CA10: variants seen among roughly 807,000 people sequenced by gnomAD.
CA10 encodes the protein carbonic anhydrase-related protein 10.
In CA10, 14 loss-of-function variants were observed where a neutral mutation model predicts 44.2. The ratio of observed to expected loss-of-function variants is 0.32; its 90% CI spans 0.21 to 0.50. The LOEUF is 0.50. Among genes scored for constraint, CA10 ranks in the 20% least tolerant of loss-of-function variants. The pLI, the probability that CA10 is intolerant of heterozygous loss-of-function variation, is 0.99. For synonymous variants in CA10, 159 were observed against 141.6 expected (o/e 1.12, Z -0.87); for missense variants, 350 against 409.7 (o/e 0.85, Z 1.26).
intron 4 of CA10, among the ~76,000 whole-genome samples, chr17:51,699,828 G>A (rs1915530235): frequency 6.6e-6 from 1 of 152,186 alleles, no homozygotes; most frequent in Non-Finnish European, 1.5e-5. Flanking sequence ...ATGAGACATT[G>A]TTTTGGTGGT....
intron 2 of CA10, among the ~76,000 whole-genome samples, chr17:52,002,079 C>A (rs887438082): frequency 6.6e-6 from 1 of 151,760 alleles, no homozygotes; most frequent in African/African-American, 2.4e-5. Context: ...GAGTAAAGAG[C>A]CCACACATAT....
In CA10 at chr17:52,017,798, T is replaced by C. The variant is rs182446916; in HGVS notation, c.136+54521A>G. Among the ~76,000 whole-genome samples, 512 of 152,152 alleles carry C rather than the reference T, an allele frequency of 3.4e-3. 2 individuals are homozygous for C. Among genetic ancestry groups the C allele is most frequent in the Non-Finnish European group, 5.8e-3 (396 of 67,976 alleles). On this transcript the variant is annotated intron_variant, in intron 2 of 8. Transcript: ENST00000451037. ...TGACTAAATGGTAGTCATGCACTCG[T>C]AGCCAAGACAACGGGATAAAGACCT...
chr17:52,094,402 G>T (rs542915871), intron 1 of CA10, among the ~76,000 whole-genome samples: 1 of 151,964 alleles, frequency 6.6e-6, no homozygotes, highest in Non-Finnish European at 1.5e-5. Flanking sequence ...TGTATCGTCA[G>T]GAAACTGGAG....
chr17:51,668,920 C>T (rs1914307720), intron 4 of CA10, among the ~76,000 whole-genome samples: 1 of 152,252 alleles, frequency 6.6e-6, no homozygotes, highest in Non-Finnish European at 1.5e-5. Flanking sequence ...CCTGGGCCAG[C>T]AGCTGTGGAG....
intron 3 of CA10, among the ~76,000 whole-genome samples, chr17:51,756,871 G>A (rs1647765979): frequency 6.6e-6 from 1 of 152,130 alleles, no homozygotes; most frequent in Non-Finnish European, 1.5e-5. Context: ...TGGGTTTAAT[G>A]TATCCAGACC....
intron 3 of CA10, among the ~76,000 whole-genome samples, chr17:51,820,417 C>CT (rs1369247837): frequency 1.4e-5 from 1 of 70,066 alleles, no homozygotes; most frequent in African/African-American, 5.0e-5. Context: ...CCCCCCCCCC[C>CT]CGCCCGCCGA....
chr17:51,993,438 C>G (rs1433280903), intron 2 of CA10, among the ~76,000 whole-genome samples: 15 of 152,070 alleles, frequency 9.9e-5, no homozygotes, highest in Admixed American at 9.8e-4. Context: ...TCAGTTGCCA[C>G]TGGAACCAAC....
intron 3 of CA10, among the ~76,000 whole-genome samples, chr17:51,844,846 G>A (rs75550333): frequency 0.019 from 2,839 of 152,216 alleles, 47 homozygotes; most frequent in South Asian, 0.064. Flanking sequence ...CACACCCACC[G>A]CACAAATTTG....
intron 2 of CA10, among the ~76,000 whole-genome samples, chr17:52,015,405 T>C (rs940964057): frequency 6.6e-6 from 1 of 152,128 alleles, no homozygotes; most frequent in Non-Finnish European, 1.5e-5. Context: ...ATATTTTCAA[T>C]GACTGATACA....
intron 4 of CA10, among the ~76,000 whole-genome samples, chr17:51,719,848 C>T (rs114213608): frequency 0.011 from 1,737 of 152,216 alleles, 21 homozygotes; most frequent in African/African-American, 0.04. Flanking sequence ...TGTAATCCCA[C>T]AACTGCAGCC....
At position 52,034,058 on chromosome 17, in the gene CA10, G is replaced by T. The variant is rs566624250; in HGVS notation, c.136+38261C>A. 3.3e-5 allele frequency among the ~76,000 whole-genome samples: 5 copies of T among 152,312 alleles called. No individual in the cohort carries two copies. The South Asian group carries it at 1.0e-3, about 32-fold the overall frequency. On this transcript the variant is annotated intron_variant, in intron 2 of 8. Coordinates refer to ENST00000451037, the MANE Select transcript of CA10 (RefSeq NM_020178.5). ...GGGTAAGTGAGGAGGTATTAGTCAAGGGTACAAAGCACTTTATCCGCACTT... is the reference window on the plus strand; with the variant it reads ...GGGTAAGTGAGGAGGTATTAGTCAATGGTACAAAGCACTTTATCCGCACTT...
intron 1 of CA10, among the ~76,000 whole-genome samples, chr17:52,143,006 C>T (rs1989514349): frequency 6.6e-6 from 1 of 152,102 alleles, no homozygotes. Context: ...AATTGTTTCT[C>T]CAGTGTTCCC....
At chr17:52,079,637 G>A (rs553468859) in intron 1 of CA10, among the ~76,000 whole-genome samples, 1 of 152,166 alleles carries the variant, frequency 6.6e-6, no homozygotes, top group African/African-American at 2.4e-5. Context: ...TGGGTGTGAC[G>A]CCTATATTTG....
chr17:52,012,362 G>C (rs1362107009), intron 2 of CA10, among the ~76,000 whole-genome samples: 2 of 151,940 alleles, frequency 1.3e-5, no homozygotes, highest in African/African-American at 2.4e-5. Context: ...AATGAATATG[G>C]ATCTGTGAGA....
chr17:51,748,571 C>T, intron 3 of CA10: 2 of 603,544 alleles, frequency 3.3e-6, no homozygotes, highest in Non-Finnish European at 4.1e-6. Context: ...GATTCTAGAA[C>T]ACTCATTCCC....
chr17:52,104,937 A>G (rs1474478541), intron 1 of CA10, among the ~76,000 whole-genome samples: 2 of 152,164 alleles, frequency 1.3e-5, no homozygotes, highest in African/African-American at 4.8e-5. Flanking sequence ...GAGTACTTAC[A>G]AAAAAATAAG....
At chr17:52,019,475 T>G (rs969510489) in intron 2 of CA10, among the ~76,000 whole-genome samples, 1 of 152,088 alleles carries the variant, frequency 6.6e-6, no homozygotes, top group Non-Finnish European at 1.5e-5. Flanking sequence ...GGTTTTAATT[T>G]GTCAATCCCA....
chr17:51,763,541 A>G (rs761952992), intron 3 of CA10: 3 of 152,174 alleles, frequency 2.0e-5, no homozygotes, highest in Non-Finnish European at 4.4e-5. Context: ...AGAGGGTCCA[A>G]ATGAAATCAT....
intron 3 of CA10, among the ~76,000 whole-genome samples, chr17:51,805,628 C>T (rs79613566): frequency 0.038 from 5,738 of 152,306 alleles, 133 homozygotes; most frequent in Non-Finnish European, 0.056. Context: ...GAATAATTTA[C>T]ATACCATAAA....
Sources: allele counts gnomAD v4.1 joint callset (sites outside exome capture counted in the v4.1 genomes callset), GRCh38; gene constraint gnomAD v4.1.1; transcripts MANE v1.5; gene names NCBI Gene and HGNC (gene_info 2026-07-23, HGNC 2026-07-21).